Variants in CAB39 observed in about 807,000 individuals in gnomAD.
The protein encoded by CAB39 is calcium-binding protein 39.
Under a neutral mutation model 40.0 loss-of-function variants are expected in CAB39, and 8 were observed. The ratio of observed to expected loss-of-function variants is 0.20; its 90% CI spans 0.12 to 0.36. The LOEUF is 0.36. Among genes scored for constraint, CAB39 ranks in the 10% least tolerant of loss-of-function variants. CAB39 has a pLI of 1.00. For synonymous variants in CAB39, 156 were observed against 141.6 expected (o/e 1.10, Z -0.72); for missense variants, 270 against 401.1 (o/e 0.67, Z 2.79).
intron 2 of CAB39, among the ~76,000 whole-genome samples, chr2:230,775,272 T>C (rs1443183514): frequency 6.6e-6 from 1 of 151,788 alleles, no homozygotes; most frequent in Non-Finnish European, 1.5e-5. Context: ...ACTCTAGCTC[T>C]GTTGCGAGGC....
intron 1 of CAB39, among the ~76,000 whole-genome samples, chr2:230,748,255 A>G (rs527956256): frequency 2.0e-5 from 3 of 152,062 alleles, no homozygotes; most frequent in African/African-American, 7.2e-5. Context: ...CTGTAGACCA[A>G]CCGCTAGATC....
chr2:230,721,430 CAAAAGAA>C (rs1381113227), intron 1 of CAB39, among the ~76,000 whole-genome samples: 1 of 151,908 alleles, frequency 6.6e-6, no homozygotes, highest in South Asian at 2.1e-4. Context: ...AACTCCATCT[CAAAAGAA>C]AAAAGAAAAA....
intron 2 of CAB39, among the ~76,000 whole-genome samples, chr2:230,786,595 A>G (rs1461325786): frequency 6.6e-6 from 1 of 152,196 alleles, no homozygotes; most frequent in Non-Finnish European, 1.5e-5. Context: ...TCTGAATTCA[A>G]ATTTGAAAAT....
At chr2:230,747,858 A>G (rs1695003215) in intron 1 of CAB39, among the ~76,000 whole-genome samples, 1 of 152,228 alleles carries the variant, frequency 6.6e-6, no homozygotes, top group South Asian at 2.1e-4. Flanking sequence ...AGAGAGGTGG[A>G]ACTAAAGTAT....
In CAB39 at chr2:230,819,365, G is replaced by A. The variant is rs1696466218; in HGVS notation, c.*661G>A. On this transcript the variant is annotated 3_prime_UTR_variant, in exon 9 of 9. Coordinates refer to ENST00000258418, the MANE Select transcript of CAB39 (RefSeq NM_016289.4). Reference sequence around the variant, plus strand: ...GATTTTCTTGAGACTTGTAAACCTGGATATGTTGAAGGGTATTTGTTAATT... The same window carrying A: ...GATTTTCTTGAGACTTGTAAACCTGAATATGTTGAAGGGTATTTGTTAATT... 6.6e-6 allele frequency: 1 copy of A among 152,628 alleles called. No individual in the cohort carries two copies. The highest frequency in any genetic ancestry group is 2.4e-5 in the African/African-American group (1 of 41,438). 9.5% of individuals were successfully genotyped at this position (152,628 alleles called of 1,614,324 possible). A position where few individuals can be genotyped will look rare whatever the true frequency, so the allele number is the denominator to read the frequency against.
chr2:230,726,232 G>C (rs573914971), intron 1 of CAB39, among the ~76,000 whole-genome samples: 3 of 151,626 alleles, frequency 2.0e-5, no homozygotes, highest in Non-Finnish European at 4.4e-5. Flanking sequence ...GCATGATCTC[G>C]GCTCACTGCA....
intron 2 of CAB39, among the ~76,000 whole-genome samples, chr2:230,789,707 T>C (rs1452049806): frequency 6.6e-6 from 1 of 152,206 alleles, no homozygotes; most frequent in African/African-American, 2.4e-5. Flanking sequence ...GCCATGCTCT[T>C]TCTGGGCAGC....
At chr2:230,793,478 G>A (rs2124960107) in intron 4 of CAB39, 147 bp downstream of exon 4, 1 of 425,068 alleles carries the variant, frequency 2.4e-6, no homozygotes, top group East Asian at 3.6e-5. Context: ...TTCCCTCCTT[G>A]AAATTCAACT....
intron 1 of CAB39, among the ~76,000 whole-genome samples, chr2:230,746,609 G>A (rs1018268359): frequency 3.9e-5 from 6 of 152,162 alleles, no homozygotes; most frequent in African/African-American, 1.2e-4. Flanking sequence ...CTCAGCAAAG[G>A]TGTGAGTCCA....
At chr2:230,804,937 C>G (rs1254702716) in intron 5 of CAB39, among the ~76,000 whole-genome samples, 1 of 152,180 alleles carries the variant, frequency 6.6e-6, no homozygotes, top group Non-Finnish European at 1.5e-5. Context: ...ACTATGAAGA[C>G]ACATGCACAC....
chr2:230,771,330 G>GAAAA (rs751836642), intron 2 of CAB39, among the ~76,000 whole-genome samples: 1 of 151,878 alleles, frequency 6.6e-6, no homozygotes, highest in Non-Finnish European at 1.5e-5. Context: ...AAAAGAAAAA[G>GAAAA]AAAAAAACTA....
At chr2:230,775,292 G>A (rs1695566789) in intron 2 of CAB39, among the ~76,000 whole-genome samples, 1 of 150,898 alleles carries the variant, frequency 6.6e-6, no homozygotes, top group African/African-American at 2.4e-5. Context: ...CTGGAGTGTA[G>A]TGGTGTGATC....
chr2:230,802,818 CT>C (rs1244599710), intron 5 of CAB39, among the ~76,000 whole-genome samples: 2 of 152,186 alleles, frequency 1.3e-5, no homozygotes, highest in Non-Finnish European at 2.9e-5. Flanking sequence ...CAGCCAAATT[CT>C]GCCAGAGGTA....
chr2:230,803,646 T>C (rs1464470430), intron 5 of CAB39, among the ~76,000 whole-genome samples: 1 of 152,190 alleles, frequency 6.6e-6, no homozygotes, highest in Non-Finnish European at 1.5e-5. Context: ...TGAATTCCCA[T>C]TCACAATTGC....
chr2:230,800,075 T>C (rs1021366333), intron 5 of CAB39, among the ~76,000 whole-genome samples: 2 of 152,000 alleles, frequency 1.3e-5, no homozygotes, highest in African/African-American at 4.8e-5. Flanking sequence ...AGCATACTGA[T>C]ATGCAGACGA....
intron 1 of CAB39, among the ~76,000 whole-genome samples, chr2:230,724,258 AAG>A (rs1245744291): frequency 6.7e-6 from 1 of 150,370 alleles, no homozygotes; most frequent in East Asian, 2.0e-4. Context: ...AAAAAAAAAA[AAG>A]AAGATAGCAT....
chr2:230,785,643 G>A (rs1489919673), intron 2 of CAB39, among the ~76,000 whole-genome samples: 1 of 151,976 alleles, frequency 6.6e-6, no homozygotes, highest in Non-Finnish European at 1.5e-5. Context: ...AAGAGAAGGG[G>A]GCTTTATACA....
At chr2:230,732,758 A>G (rs1028348393) in intron 1 of CAB39, among the ~76,000 whole-genome samples, 8 of 152,186 alleles carry the variant, frequency 5.3e-5, no homozygotes, top group African/African-American at 1.9e-4. Flanking sequence ...GGGATAAATG[A>G]TGATGATAAT....
chr2:230,760,298 T>A (rs1695267310), intron 2 of CAB39, among the ~76,000 whole-genome samples, 183 bp downstream of exon 2: 1 of 152,232 alleles, frequency 6.6e-6, no homozygotes, highest in African/African-American at 2.4e-5. Context: ...CAAATAGATT[T>A]CTAACTGTTC....
Sources: allele counts gnomAD v4.1 joint callset (sites outside exome capture counted in the v4.1 genomes callset), GRCh38; gene constraint gnomAD v4.1.1; transcripts MANE v1.5; gene names NCBI Gene and HGNC (gene_info 2026-07-23, HGNC 2026-07-21).